FABP5: variants seen among roughly 807,000 people sequenced by gnomAD.
The protein encoded by FABP5 is fatty acid-binding protein 5.
FABP5 carries 7 observed loss-of-function variants against 16.9 expected under a neutral mutation model. The observed-to-expected ratio is 0.41, with a 90% CI of 0.24 to 0.78. The LOEUF is 0.78. FABP5 is among the 30% of genes least tolerant of loss of function. The pLI, the probability that FABP5 is intolerant of heterozygous loss-of-function variation, is 0.30. For synonymous variants in FABP5, 37 were observed against 52.8 expected (o/e 0.70, Z 1.30); for missense variants, 119 against 159.5 (o/e 0.75, Z 1.37).
At chr8:81,282,153 G>T (rs1270944243) in intron 1 of FABP5, among the ~76,000 whole-genome samples, 1 of 141,960 alleles carries the variant, frequency 7.0e-6, no homozygotes, top group Admixed American at 7.5e-5. Context: ...TACTGCACCT[G>T]TCCAATAAAT....
rs1393545719 is a variant in FABP5 at position 81,283,961 on chromosome 8, G to A, written c.341G>A (p.Gly114Glu). ...ESTITRKLKD[G>E]KLVVECVMNN... ...ACAATAACAAGAAAATTGAAAGATG[G>A]GAAATTAGTGGTGGTAAGTGTCAAA... The change falls in exon 3 of 4, where the codon GGG (glycine) becomes GAG (glutamate). Residue 114 changes from glycine (G) to glutamate (E), a missense_variant. Gly to Glu is a moderately conservative substitution (Grantham distance 98). Coordinates refer to ENST00000297258, the MANE Select transcript of FABP5 (RefSeq NM_001444.3). 3 of 1,606,682 alleles carry A rather than the reference G, an allele frequency of 1.9e-6. No homozygotes were observed. In the Admixed American group the frequency reaches 5.0e-5, roughly 27 times the overall value.
At chr8:81,280,952 C>A (rs1807819296) in intron 1 of FABP5, 5 of 414,574 alleles carry the variant, frequency 1.2e-5, no homozygotes, top group Non-Finnish European at 2.2e-5. Flanking sequence ...CTGCTTCTTT[C>A]CCTTCGCCCA....
In FABP5 at chr8:81,280,842, C is replaced by T. The variant is rs1807816159; in HGVS notation, c.79+168C>T. The T allele has an allele frequency of 4.8e-6, 3 of 621,498 alleles. No homozygotes were observed. In the Admixed American group the frequency reaches 8.5e-5, roughly 18 times the overall value. The allele number at this position is 621,498 out of a possible 1,614,324, so 38.5% of individuals were successfully genotyped here. ...GCCGTTGGGTGCAGCGCGCGCAGCA[C>T]CACGCGGGCAGGCGGCGAGGAGCAG... On this transcript the variant is annotated intron_variant, in intron 1 of 3. Coordinates refer to ENST00000297258, the MANE Select transcript of FABP5 (RefSeq NM_001444.3).
chr8:81,280,620 G>A lies in FABP5; in HGVS notation c.25G>A (p.Gly9Arg), dbSNP rs765380088. Residue 9 changes from glycine (G) to arginine (R), a missense_variant, in exon 1 of 4, where the codon GGA (glycine) becomes AGA (arginine). By Grantham distance (125) the Gly-to-Arg change is moderately radical. Transcript: ENST00000297258. Reference protein sequence around the residue: MATVQQLEGRWRLVDSKGF... With the variant: MATVQQLERRWRLVDSKGF... Reference sequence around the variant, plus strand: ...CATGGCCACAGTTCAGCAGCTGGAAGGAAGATGGCGCCTGGTGGACAGCAA... The same window carrying A: ...CATGGCCACAGTTCAGCAGCTGGAAAGAAGATGGCGCCTGGTGGACAGCAA... 6.4e-6 allele frequency: 10 copies of A among 1,559,040 alleles called. No homozygotes were observed. Among genetic ancestry groups the A allele is most frequent in the Non-Finnish European group, 8.7e-6 (10 of 1,150,684 alleles).
At position 81,280,559 on chromosome 8, in the gene FABP5, A is replaced by G. The variant is rs184726829; in HGVS notation, c.-37A>G. 4.1e-4 allele frequency: 626 copies of G among 1,544,692 alleles called. 10 individuals carry two copies. In the East Asian group the frequency reaches 0.015, roughly 36 times the overall value. The stretch of plus-strand genomic sequence containing the variant: ...TCACAGCACGCTGCCACGCCGACGC[A>G]GACCCCTCTCTGCACGCCAGCCCGC... On this transcript the variant is annotated 5_prime_UTR_variant, in exon 1 of 4. Transcript: ENST00000297258.
Position 81,281,249 on chromosome 8 carries a change from G to A in FABP5, c.79+575G>A. 1 of 757,500 alleles carries A rather than the reference G, an allele frequency of 1.3e-6. No homozygotes were observed. Among genetic ancestry groups the A allele is most frequent in the Non-Finnish European group, 1.6e-6 (1 of 621,102 alleles). 46.9% of individuals were successfully genotyped at this position (757,500 alleles called of 1,614,324 possible). A position where few individuals can be genotyped will look rare whatever the true frequency, so the allele number is the denominator to read the frequency against. ...GCGCGCAGTTTCCCGCAGAAATCCT[G>A]TGGAGGGGTCTGAGTGGCGCTACAG... On this transcript the variant is annotated intron_variant, in intron 1 of 3. Transcript: ENST00000297258. The surrounding 1 kb of genome is among the most constrained non-coding windows in gnomAD (Gnocchi z 4.5).
In FABP5 at chr8:81,283,393, G is replaced by A. The variant is rs762285227; in HGVS notation, c.107G>A (p.Gly36Asp). The A allele has an allele frequency of 2.5e-6, 4 of 1,597,580 alleles. No homozygotes were observed. The highest frequency in any genetic ancestry group is 3.4e-6 in the Non-Finnish European group (4 of 1,173,546). Residue 36 changes from glycine to aspartate, a missense_variant, in exon 2 of 4, where the codon GGC (glycine) becomes GAC (aspartate). Transcript: ENST00000297258. ...GTGGGAATAGCTTTGCGAAAAATGG[G>A]CGCAATGGCCAAGCCAGATTGTATC... ...LGVGIALRKM[G>D]AMAKPDCIIT...
At position 81,281,341 on chromosome 8, in the gene FABP5, C is replaced by G. The variant is rs1342875154; in HGVS notation, c.79+667C>G. On this transcript the variant is annotated intron_variant, in intron 1 of 3. Coordinates refer to ENST00000297258, the MANE Select transcript of FABP5 (RefSeq NM_001444.3). This position sits in a 1 kb window ranked among gnomAD's most constrained non-coding sequence, Gnocchi z 4.5. ...CCTCTGCTCGCCCTTACCAGTTGAG[C>G]CGAACCCTTTGGATTGGTACCCCAT... is the stretch of plus-strand genomic sequence containing the variant. 8.1e-6 allele frequency: 8 copies of G among 985,444 alleles called. No homozygotes were observed. Among genetic ancestry groups the G allele is most frequent in the Admixed American group, 6.1e-5 (1 of 16,276 alleles). The allele number at this position is 985,444 out of a possible 1,614,324, so 61.0% of individuals were successfully genotyped here.
Position 81,281,653 on chromosome 8 carries a change from A to T in FABP5, c.79+979A>T. ...GCAGATGACTTCTTGAAGCGTTCCG[A>T]GGGAGAATGAATCTCAGTAGTAAGA... On this transcript the variant is annotated intron_variant, in intron 1 of 3. Coordinates refer to ENST00000297258, the MANE Select transcript of FABP5 (RefSeq NM_001444.3). The surrounding 1 kb of genome is among the most constrained non-coding windows in gnomAD (Gnocchi z 4.5). 1 of 985,458 alleles carries T rather than the reference A, an allele frequency of 1.0e-6. No homozygotes were observed. The highest frequency in any genetic ancestry group is 1.2e-6 in the Non-Finnish European group (1 of 829,932). 61.0% of individuals were successfully genotyped at this position (985,458 alleles called of 1,614,324 possible).
At chr8:81,284,428 G>T in intron 3 of FABP5, 86 bp from the exon 4 acceptor site, 1 of 870,398 alleles carries the variant, frequency 1.1e-6, no homozygotes. Flanking sequence ...GTGATTTCGT[G>T]GGACTTTGAT....
At chr8:81,283,219 A>T (rs1324282589) in intron 1 of FABP5, 147 bp from the exon 2 acceptor site, 10 of 650,836 alleles carry the variant, frequency 1.5e-5, no homozygotes, top group Non-Finnish European at 2.3e-5. Context: ...GCTGGCTCAT[A>T]CCGTGGGATA....
Position 81,284,255 on chromosome 8 carries a change from A to G in FABP5, c.355-259A>G, listed in dbSNP as rs192246113. The G allele has an allele frequency of 1.3e-5, 7 of 531,610 alleles. No individual in the cohort carries two copies. In the Admixed American group the frequency reaches 1.4e-4, roughly 10 times the overall value. 32.9% of individuals were successfully genotyped at this position (531,610 alleles called of 1,614,324 possible). A position where few individuals can be genotyped will look rare whatever the true frequency, so the allele number is the denominator to read the frequency against. ...CACCAAACTGCACACATTTTTCTAT[A>G]TCTTTAAAATAAGGAATATTTGCCA... On this transcript the variant is annotated intron_variant, in intron 3 of 3. Coordinates refer to ENST00000297258, the MANE Select transcript of FABP5 (RefSeq NM_001444.3).
rs1259387447 is a variant in FABP5, at chr8:81,280,550, C to G, written c.-46C>G. 5 of 1,539,866 alleles carry G rather than the reference C, an allele frequency of 3.2e-6. No homozygotes were observed. Among genetic ancestry groups the G allele is most frequent in the African/African-American group, 2.8e-5 (2 of 72,394 alleles). ...CCGGGTGCCTCACAGCACGCTGCCA[C>G]GCCGACGCAGACCCCTCTCTGCACG... On this transcript the variant is annotated 5_prime_UTR_variant, in exon 1 of 4. Coordinates refer to ENST00000297258, the MANE Select transcript of FABP5 (RefSeq NM_001444.3).
chr8:81,284,726 G>C lies in FABP5; in HGVS notation c.*159G>C, dbSNP rs1160482126. On this transcript the variant is annotated 3_prime_UTR_variant, in exon 4 of 4. Transcript: ENST00000297258. The stretch of plus-strand genomic sequence containing the variant: ...CATGCAGCTATTTCAAAGTGTGTTG[G>C]ATTAATTAGGATCATCCCTTTGGTT... 2 of 543,360 alleles carry C rather than the reference G, an allele frequency of 3.7e-6. No homozygotes were observed. Among genetic ancestry groups the C allele is most frequent in the African/African-American group, 3.8e-5 (2 of 52,088 alleles). The allele number at this position is 543,360 out of a possible 1,614,324, so 33.7% of individuals were successfully genotyped here.
At chr8:81,283,592 T>TAATGATAATGATAATGATAAA in intron 2 of FABP5, 54 bp downstream of exon 2, 1 of 1,506,642 alleles carries the variant, frequency 6.6e-7, no homozygotes, top group Non-Finnish European at 9.0e-7. Flanking sequence ...ATAGGCTGTA[T>TAATGATAATGATAATGATAAA]CAATAACATT....
chr8:81,283,613 T>A (rs1410000775), intron 2 of FABP5, 75 bp downstream of exon 2: 1 of 1,410,664 alleles, frequency 7.1e-7, no homozygotes, highest in East Asian at 2.3e-5. Context: ...TTACTGTTTA[T>A]AGGCAAGAAC....
At chr8:81,283,233 G>T (rs1392814645) in intron 1 of FABP5, 133 bp from the exon 2 acceptor site, 1 of 753,628 alleles carries the variant, frequency 1.3e-6, no homozygotes, top group Non-Finnish European at 2.1e-6. Flanking sequence ...TGGGATATAT[G>T]TTTACAATAG....
chr8:81,283,853 C>T lies in FABP5; in HGVS notation c.253-20C>T, dbSNP rs371106428. The T allele has an allele frequency of 2.5e-5, 39 of 1,590,024 alleles. No individual in the cohort carries two copies. The Middle Eastern group carries it at 9.9e-4, about 40-fold the overall frequency. ...TTGTAATGTACTTGGAAGATTAAAA[C>T]GTTTACTTTGTTTTTGCAGACTGTC... On this transcript the variant is annotated intron_variant, in intron 2 of 3. Transcript: ENST00000297258.
rs936458782 is a variant in FABP5, at chr8:81,280,813, C to T, written c.79+139C>T. 9.1e-6 allele frequency: 7 copies of T among 771,886 alleles called. No homozygotes were observed. The African/African-American group carries it at 1.2e-4, about 14-fold the overall frequency. 47.8% of individuals were successfully genotyped at this position (771,886 alleles called of 1,614,324 possible). On this transcript the variant is annotated intron_variant, in intron 1 of 3. Transcript: ENST00000297258. ...CCATCCCCTCCCATCTTCCCCACCA[C>T]GCGGCCGTTGGGTGCAGCGCGCGCA... is the stretch of plus-strand genomic sequence containing the variant.
Sources: allele counts gnomAD v4.1 joint callset (sites outside exome capture counted in the v4.1 genomes callset), GRCh38; gene constraint gnomAD v4.1.1; non-coding constraint Gnocchi (gnomAD v3.1); transcripts MANE v1.5; gene names NCBI Gene and HGNC (gene_info 2026-07-23, HGNC 2026-07-21).